Variants in RBFOX1 observed in about 807,000 individuals in gnomAD.
The protein encoded by RBFOX1 is RNA binding fox-1 homolog 1.
In RBFOX1, 8 loss-of-function variants were observed where a neutral mutation model predicts 57.7. The observed-to-expected ratio is 0.14, with a 90% CI of 0.08 to 0.25. The LOEUF (loss-of-function observed/expected upper bound fraction) is 0.25. Ranked by LOEUF, RBFOX1 falls within the 10% of genes least tolerant of loss-of-function variation. RBFOX1 has a pLI of 1.00. For missense variants in RBFOX1, 611 were observed against 548.5 expected, an observed-to-expected ratio of 1.11 and a Z score of -1.14; for synonymous variants, 326 against 222.4, an observed-to-expected ratio of 1.47 and a Z score of -4.15.
chr16:6,859,199 A>ATATATATACG (rs1567594061), intron 3 of RBFOX1, among the ~76,000 whole-genome samples: 1 of 107,784 alleles, frequency 9.3e-6, no homozygotes, highest in Non-Finnish European at 2.0e-5. Flanking sequence ...ATATATATGT[A>ATATATATACG]TATATATATA....
At chr16:6,566,594 C>A (rs1041964729) in intron 2 of RBFOX1, among the ~76,000 whole-genome samples, 11 of 152,148 alleles carry the variant, frequency 7.2e-5, no homozygotes, top group Admixed American at 6.5e-4. Flanking sequence ...TGCTTTATTT[C>A]ATTTCTTATT....
At chr16:6,542,915 C>A (rs6500792) in intron 2 of RBFOX1, among the ~76,000 whole-genome samples, 149,275 of 152,070 alleles carry the variant, frequency 0.98, 73,334 homozygotes, top group Middle Eastern at 1. Flanking sequence ...GGGACCACAC[C>A]GTGCTGAGTC....
At chr16:5,694,427 A>G (rs2050787164) in intron 3 of RBFOX1, among the ~76,000 whole-genome samples, 2 of 152,158 alleles carry the variant, frequency 1.3e-5, no homozygotes, top group South Asian at 4.1e-4. Flanking sequence ...TCGGTTCTGT[A>G]ACTTCGTGAA....
intron 1 of RBFOX1, among the ~76,000 whole-genome samples, chr16:6,270,926 G>A (rs1479398233): frequency 6.6e-6 from 1 of 152,182 alleles, no homozygotes; most frequent in Admixed American, 6.5e-5. Context: ...CCACTAGACA[G>A]CACATTGCCG....
Position 7,492,696 on chromosome 16 carries a change from C to CTT in RBFOX1, c.28-25450_28-25449dup, listed in dbSNP as rs1427960448. Among the ~76,000 whole-genome samples, 3 of 152,204 alleles carry CTT rather than the reference C, an allele frequency of 2.0e-5. No homozygotes were observed. The East Asian group carries it at 5.8e-4, about 29-fold the overall frequency. On this transcript the variant is annotated intron_variant, in intron 4 of 15. Coordinates refer to ENST00000550418, the MANE Select transcript of RBFOX1 (RefSeq NM_018723.4). ...TTTATGAGTGGTTTAGTGCCATACC[C>CTT]TTGGTGGTAGTGGCATGATAGTGAA...
At chr16:5,755,634 T>C (rs147010857) in intron 3 of RBFOX1, among the ~76,000 whole-genome samples, 2 of 152,342 alleles carry the variant, frequency 1.3e-5, no homozygotes, top group East Asian at 1.9e-4. Flanking sequence ...GTTTCACTCT[T>C]GTTGCCTAGG....
chr16:7,218,236 C>G (rs191183707), intron 4 of RBFOX1, among the ~76,000 whole-genome samples: 65 of 152,100 alleles, frequency 4.3e-4, no homozygotes, highest in Non-Finnish European at 8.4e-4. Context: ...ATTAATTTGG[C>G]CAAATCATCT....
chr16:5,804,011 G>A (rs1367244357), intron 3 of RBFOX1, among the ~76,000 whole-genome samples: 1 of 152,050 alleles, frequency 6.6e-6, no homozygotes, highest in East Asian at 1.9e-4. Flanking sequence ...ATTTCCTCTG[G>A]GAAGTCTTGC....
At chr16:6,826,634 T>A (rs1006046054) in intron 3 of RBFOX1, among the ~76,000 whole-genome samples, 3 of 152,102 alleles carry the variant, frequency 2.0e-5, no homozygotes, top group Non-Finnish European at 2.9e-5. Context: ...TTTCTTTTTT[T>A]TAAAAACCTT....
At chr16:6,976,774 A>G (rs1424784514) in intron 3 of RBFOX1, among the ~76,000 whole-genome samples, 1 of 102,854 alleles carries the variant, frequency 9.7e-6, no homozygotes, top group Non-Finnish European at 2.0e-5. Flanking sequence ...ATCGTATGAC[A>G]TATCAATATA....
chr16:5,912,471 G>C (rs952631480), intron 4 of RBFOX1, among the ~76,000 whole-genome samples: 1 of 152,134 alleles, frequency 6.6e-6, no homozygotes, highest in African/African-American at 2.4e-5. Flanking sequence ...GCATCTCCCA[G>C]CTCCTCTCAC....
chr16:6,354,269 G>C (rs1203518168), intron 2 of RBFOX1, among the ~76,000 whole-genome samples: 1 of 151,862 alleles, frequency 6.6e-6, no homozygotes, highest in Non-Finnish European at 1.5e-5. Context: ...AAAAAAAATA[G>C]CAACAGTTTT....
chr16:6,296,743 A>G (rs1399697325), intron 1 of RBFOX1, among the ~76,000 whole-genome samples: 3 of 152,176 alleles, frequency 2.0e-5, no homozygotes, highest in South Asian at 2.1e-4. Flanking sequence ...AATACTTAGC[A>G]TATGGCATGG....
At chr16:7,529,780 G>A (rs541090848) in intron 5 of RBFOX1, among the ~76,000 whole-genome samples, 6 of 152,072 alleles carry the variant, frequency 3.9e-5, no homozygotes, top group Non-Finnish European at 7.4e-5. Flanking sequence ...AGGCTGAGAC[G>A]GGCAGATCAC....
At chr16:5,641,208 T>C (rs1289004952) in intron 3 of RBFOX1, among the ~76,000 whole-genome samples, 2 of 152,134 alleles carry the variant, frequency 1.3e-5, no homozygotes, top group African/African-American at 2.4e-5. Flanking sequence ...ATGCACACCA[T>C]GCATACATAC....
chr16:6,720,649 A>G (rs36059198), intron 3 of RBFOX1, among the ~76,000 whole-genome samples: 93,761 of 151,970 alleles, frequency 0.62, 31,941 homozygotes, highest in Non-Finnish European at 0.78. Flanking sequence ...TGTCGGGAGA[A>G]TAGTTGGTGA....
intron 3 of RBFOX1, among the ~76,000 whole-genome samples, chr16:6,777,122 G>A (rs1223102515): frequency 6.6e-6 from 1 of 152,154 alleles, no homozygotes; most frequent in African/African-American, 2.4e-5. Context: ...CTTGGGATTA[G>A]TGGTCTTGTA....
intron 1 of RBFOX1, among the ~76,000 whole-genome samples, chr16:6,075,247 T>A (rs922820717): frequency 5.3e-5 from 8 of 152,228 alleles, no homozygotes; most frequent in Non-Finnish European, 2.9e-5. Flanking sequence ...TACCGATGCA[T>A]AAACTTTGAT....
intron 4 of RBFOX1, among the ~76,000 whole-genome samples, chr16:7,439,396 C>T (rs959442438): frequency 2.0e-5 from 3 of 151,540 alleles, no homozygotes; most frequent in African/African-American, 7.3e-5. Context: ...CCTCACCTTT[C>T]TTTCTGGGTG....
Sources: gnomAD v4.1 joint callset for allele counts (sites outside exome capture counted in the v4.1 genomes callset) on GRCh38, gnomAD v4.1.1 for gene constraint, MANE v1.5 for transcripts, NCBI Gene and HGNC (gene_info 2026-07-23, HGNC 2026-07-21) for gene names.